CDC20B: variants seen among roughly 807,000 people sequenced by gnomAD.
The protein encoded by CDC20B is cell division cycle 20B, also known as cell division cycle protein 20 homolog B.
A neutral mutation model predicts 64.1 loss-of-function variants in CDC20B; 58 were observed. The ratio of observed to expected loss-of-function variants is 0.90; its 90% CI spans 0.73 to 1.13. The LOEUF is 1.13. CDC20B is among the 50% of genes most tolerant of loss of function. The pLI, the probability that CDC20B is intolerant of heterozygous loss-of-function variation, is 0.00. For synonymous variants in CDC20B, 243 were observed against 230.6 expected (o/e 1.05, Z -0.49); for missense variants, 597 against 633.0 (o/e 0.94, Z 0.61).
At chr5:55,118,660 AAT>A (rs1461951138) in intron 11 of CDC20B, among the ~76,000 whole-genome samples, 1 of 152,168 alleles carries the variant, frequency 6.6e-6, no homozygotes, top group Admixed American at 6.5e-5. Context: ...TTTGATTAAA[AAT>A]ATGAGGATTG....
chr5:55,160,853 C>A, intron 2 of CDC20B: 1 of 861,886 alleles, frequency 1.2e-6, no homozygotes, highest in Non-Finnish European at 1.7e-6. Context: ...TTCAATAGAA[C>A]TGTGTATGTC....
chr5:55,145,235 C>T (rs1743437760), intron 3 of CDC20B, among the ~76,000 whole-genome samples: 1 of 152,212 alleles, frequency 6.6e-6, no homozygotes, highest in Non-Finnish European at 1.5e-5. Context: ...TTATCTCCTA[C>T]TGCTTCCCTC....
chr5:55,131,257 C>CA (rs1743021694), intron 6 of CDC20B, among the ~76,000 whole-genome samples: 1 of 152,076 alleles, frequency 6.6e-6, no homozygotes, highest in African/African-American at 2.4e-5. Context: ...GTGATGTGTA[C>CA]AATAGTAACT....
At chr5:55,137,190 A>T (rs1296140185) in intron 5 of CDC20B, 1 of 160,932 alleles carries the variant, frequency 6.2e-6, no homozygotes, top group Non-Finnish European at 1.4e-5. Flanking sequence ...AAAAAAAAAA[A>T]AAAAGAAAGA....
In CDC20B at chr5:55,124,858, C is replaced by T. The variant is rs954474932; in HGVS notation, c.1160G>A (p.Gly387Asp). The T allele has an allele frequency of 2.5e-6, 4 of 1,614,162 alleles. No homozygotes were observed. In the African/African-American group the frequency reaches 5.3e-5, roughly 22 times the overall value. Residue 387 changes from glycine to aspartate, a missense_variant, in exon 9 of 12, where the codon GGT becomes GAT. Coordinates refer to ENST00000381375, the MANE Select transcript of CDC20B (RefSeq NM_001170402.1). ...CAGCGGTTGGCCCTGTGCACTGGCA[C>T]CTGGATCGTGGGGCCATATTGTCAG... ...GLLTIWPHDPGASAQGQPLKV... is the reference protein window; with the variant it reads ...GLLTIWPHDPDASAQGQPLKV...
At chr5:55,161,256 G>GT in intron 2 of CDC20B, 5 of 1,612,712 alleles carry the variant, frequency 3.1e-6, no homozygotes, top group Non-Finnish European at 4.2e-6. Context: ...TTTCTTGTTG[G>GT]TAAATATCTG....
At chr5:55,164,008 AC>A in intron 2 of CDC20B, 1 of 1,379,988 alleles carries the variant, frequency 7.2e-7, no homozygotes, top group Admixed American at 2.2e-5. Flanking sequence ...GAAAATCTTG[AC>A]AAAGAATAAA....
chr5:55,125,119 G>C, intron 8 of CDC20B, 91 bp from the exon 9 acceptor site: 1 of 995,122 alleles, frequency 1.0e-6, no homozygotes. Flanking sequence ...TAAAACTTCT[G>C]AAAGACCCCT....
In CDC20B at chr5:55,146,679, C is replaced by T; in HGVS notation, c.304G>A (p.Ala102Thr). 6.2e-7 allele frequency: 1 copy of T among 1,614,150 alleles called. No homozygotes were observed. Among genetic ancestry groups the T allele is most frequent in the Non-Finnish European group, 8.5e-7 (1 of 1,180,020 alleles). ...EEQSTTYLPEASGSVLKTPPE... is the reference protein window; with the variant it reads ...EEQSTTYLPETSGSVLKTPPE... The stretch of plus-strand genomic sequence containing the variant: ...GGTGTCTTCAGCACTGATCCGGAAG[C>T]TTCTGGGAGGTAGGTGGTTGACTGC... Residue 102 changes from alanine to threonine, a missense_variant, in exon 3 of 12, where the codon GCT becomes ACT. Physicochemically the swap from Ala to Thr is moderately conservative, Grantham distance 58 (BLOSUM62 0). Transcript: ENST00000381375.
Position 55,172,658 on chromosome 5 carries a change from A to G in CDC20B, c.64-8T>C. On this transcript the variant is annotated splice_region_variant and splice_polypyrimidine_tract_variant and intron_variant, in intron 1 of 11. Transcript: ENST00000381375. ...CACACGCATGATACTTTCCTTTGAAAACACAGATAACATATTGAGGGAGAA... is the reference window on the plus strand; with the variant it reads ...CACACGCATGATACTTTCCTTTGAAGACACAGATAACATATTGAGGGAGAA... 1 of 1,598,056 alleles carries G rather than the reference A, an allele frequency of 6.3e-7. No individual in the cohort carries two copies. Among genetic ancestry groups the G allele is most frequent in the Non-Finnish European group, 8.6e-7 (1 of 1,166,138 alleles).
In CDC20B at chr5:55,120,446, C is replaced by T; in HGVS notation, c.1320G>A (p.Gln440=). Residue 440 remains glutamine, a synonymous_variant, in exon 10 of 12, where the codon CAG becomes CAA. Transcript: ENST00000381375. ...TAACCTGTGAGTTTGTGCTTGGGGT[C>T]TGGATGCTCTTCCCAGCATTTATAT... ...ILDINAGKSI[Q]TPSTNSQICS... is the part of the protein sequence containing the mutation. The T allele has an allele frequency of 6.2e-7, 1 of 1,613,776 alleles. No homozygotes were observed.
At chr5:55,157,137 C>T (rs1743834814) in intron 2 of CDC20B, among the ~76,000 whole-genome samples, 1 of 152,164 alleles carries the variant, frequency 6.6e-6, no homozygotes, top group Non-Finnish European at 1.5e-5. Context: ...CTCTTCTCCT[C>T]CTATAGAAGC....
rs1358571402 is a variant in CDC20B at position 55,127,947 on chromosome 5, T to C, written c.894+474A>G. 3.3e-5 allele frequency among the ~76,000 whole-genome samples: 5 copies of C among 152,314 alleles called. No homozygotes were observed. In the East Asian group the frequency reaches 9.6e-4, roughly 29 times the overall value. On this transcript the variant is annotated intron_variant, in intron 7 of 11. Coordinates refer to ENST00000381375, the MANE Select transcript of CDC20B (RefSeq NM_001170402.1). The stretch of plus-strand genomic sequence containing the variant: ...CTAAGTCATTTGCACATGAGTGATA[T>C]TGTTTATTCTATTGGTAATAAACAA...
At chr5:55,160,256 T>G in intron 2 of CDC20B, 1 of 1,614,122 alleles carries the variant, frequency 6.2e-7, no homozygotes, top group Non-Finnish European at 8.5e-7. Context: ...ATTTGCAGTT[T>G]TGCTGTCTAT....
rs775039033 is a variant in CDC20B, at chr5:55,146,630, A to G, written c.353T>C (p.Leu118Pro). Residue 118 changes from leucine (L) to proline (P), a missense_variant and splice_region_variant, in exon 3 of 12, where the codon CTA becomes CCA. Coordinates refer to ENST00000381375, the MANE Select transcript of CDC20B (RefSeq NM_001170402.1). Reference protein sequence around the residue: ...KTPPEKETLTLGSRKEQLKTP... With the variant: ...KTPPEKETLTPGSRKEQLKTP... ...CTGTGGCGTTTGGGGCACCTCACCT[A>G]GAGTCAAGGTCTCTTTCTCAGGCGG... 2 of 1,612,304 alleles carry G rather than the reference A, an allele frequency of 1.2e-6. No individual in the cohort carries two copies. Among genetic ancestry groups the G allele is most frequent in the Non-Finnish European group, 1.7e-6 (2 of 1,178,598 alleles).
chr5:55,161,015 G>A (rs772247936), intron 2 of CDC20B: 2 of 1,613,324 alleles, frequency 1.2e-6, no homozygotes, highest in South Asian at 1.1e-5. Context: ...TGTAAACGTG[G>A]CCAGTGACTG....
At chr5:55,124,504 A>T (rs541635410) in intron 9 of CDC20B, among the ~76,000 whole-genome samples, 1 of 152,340 alleles carries the variant, frequency 6.6e-6, no homozygotes, top group Admixed American at 6.5e-5. Flanking sequence ...CCTTAGATCC[A>T]GCTGATATTT....
At chr5:55,156,863 G>A (rs796537880) in intron 2 of CDC20B, among the ~76,000 whole-genome samples, 9 of 152,290 alleles carry the variant, frequency 5.9e-5, no homozygotes, top group African/African-American at 2.2e-4. Flanking sequence ...GACAGAGTGA[G>A]ATTCTGTCTC....
chr5:55,125,114 C>G (rs950599518), intron 8 of CDC20B, 86 bp from the exon 9 acceptor site: 1 of 1,059,158 alleles, frequency 9.4e-7, no homozygotes, highest in Non-Finnish European at 1.4e-6. Context: ...CAAAGTAAAA[C>G]TTCTGAAAGA....
Sources: gnomAD v4.1 joint callset for allele counts (sites outside exome capture counted in the v4.1 genomes callset) on GRCh38, gnomAD v4.1.1 for gene constraint, MANE v1.5 for transcripts, NCBI Gene and HGNC (gene_info 2026-07-23, HGNC 2026-07-21) for gene names.